Variants in RNF150 observed in about 807,000 individuals in gnomAD.
The protein encoded by RNF150 is ring finger protein 150.
Under a neutral mutation model 39.3 loss-of-function variants are expected in RNF150, and 24 were observed. The observed-to-expected ratio is 0.61, with a 90% CI of 0.44 to 0.86. The LOEUF is 0.86. RNF150 is among the 40% of genes least tolerant of loss of function. RNF150 has a pLI of 0.00. For synonymous variants in RNF150, 255 were observed against 227.3 expected (o/e 1.12, Z -1.10); for missense variants, 502 against 587.8 (o/e 0.85, Z 1.51).
intron 6 of RNF150, among the ~76,000 whole-genome samples, chr4:140,894,433 C>T (rs565020491): frequency 8.5e-5 from 13 of 152,226 alleles, no homozygotes; most frequent in Non-Finnish European, 1.2e-4. Context: ...ATGTGGCTCA[C>T]GTAGTTTCTG....
chr4:140,954,806 G>T (rs1732680113), intron 2 of RNF150, among the ~76,000 whole-genome samples: 1 of 152,058 alleles, frequency 6.6e-6, no homozygotes, highest in African/African-American at 2.4e-5. Context: ...CTCTTCCTCT[G>T]TTCTGTGTTA....
At chr4:140,983,739 CTTTT>C (rs35565844) in intron 1 of RNF150, among the ~76,000 whole-genome samples, 4 of 129,674 alleles carry the variant, frequency 3.1e-5, no homozygotes, top group African/African-American at 1.1e-4. Context: ...GTATAACTGC[CTTTT>C]TTTTTTTTTT....
chr4:140,980,080 T>C (rs1000100300), intron 1 of RNF150, among the ~76,000 whole-genome samples: 1 of 152,120 alleles, frequency 6.6e-6, no homozygotes, highest in Non-Finnish European at 1.5e-5. Context: ...TCTCGCTTTG[T>C]CACCCAGGCT....
At chr4:141,015,524 G>C (rs1368524649) in intron 1 of RNF150, among the ~76,000 whole-genome samples, 2 of 152,018 alleles carry the variant, frequency 1.3e-5, no homozygotes, top group Non-Finnish European at 2.9e-5. Flanking sequence ...TTGTAAATGG[G>C]ATTATTTTCT....
chr4:140,883,656 G>A (rs1729456067), intron 6 of RNF150, among the ~76,000 whole-genome samples: 1 of 152,100 alleles, frequency 6.6e-6, no homozygotes, highest in Non-Finnish European at 1.5e-5. Flanking sequence ...ATAATCATAT[G>A]TAAGCTCCCT....
chr4:141,018,296 AC>A (rs890607853), intron 1 of RNF150, among the ~76,000 whole-genome samples: 1 of 151,874 alleles, frequency 6.6e-6, no homozygotes, highest in Non-Finnish European at 1.5e-5. Context: ...CTTTGCATGA[AC>A]CCTCACCACA....
At chr4:140,933,446 C>A (rs1323721413) in intron 4 of RNF150, among the ~76,000 whole-genome samples, 12 of 152,118 alleles carry the variant, frequency 7.9e-5, no homozygotes, top group Admixed American at 7.9e-4. Context: ...ATGCTCACTG[C>A]AGCATTCTGG....
At chr4:141,034,906 T>C (rs998832296) in intron 1 of RNF150, among the ~76,000 whole-genome samples, 3 of 152,224 alleles carry the variant, frequency 2.0e-5, no homozygotes, top group Non-Finnish European at 2.9e-5. Flanking sequence ...AAAAGTTTTA[T>C]GTATTTTGAG....
At chr4:140,946,280 A>G (rs546771779) in intron 4 of RNF150, among the ~76,000 whole-genome samples, 28 of 152,172 alleles carry the variant, frequency 1.8e-4, no homozygotes, top group Non-Finnish European at 3.1e-4. Flanking sequence ...TTATGCATCA[A>G]TTTTAGTATC....
intron 6 of RNF150, among the ~76,000 whole-genome samples, chr4:140,882,519 A>G (rs1729415364): frequency 6.6e-6 from 1 of 152,124 alleles, no homozygotes. Flanking sequence ...ATTTTTGAAA[A>G]TGGGGTATTG....
rs545557872 is a variant in RNF150, at chr4:141,144,231, A to C, written c.-6+68563T>G. On this transcript the variant is annotated intron_variant, in intron 1 of 7. Coordinates refer to the RNF150 transcript ENST00000420921. Reference sequence around the variant, plus strand: ...TATGGATTGGATGTGAATTCCAACCACTATTTGATTAAATAAGACTTTGTG... The same window carrying C: ...TATGGATTGGATGTGAATTCCAACCCCTATTTGATTAAATAAGACTTTGTG... 2.6e-5 allele frequency among the ~76,000 whole-genome samples: 4 copies of C among 152,314 alleles called. No individual in the cohort carries two copies. The South Asian group carries it at 8.3e-4, about 32-fold the overall frequency.
chr4:141,193,476 T>A (rs574159397), intron 1 of RNF150, among the ~76,000 whole-genome samples: 1 of 152,352 alleles, frequency 6.6e-6, no homozygotes, highest in Non-Finnish European at 1.5e-5. Flanking sequence ...TTTCTTCACA[T>A]CTTTAACAGT....
At chr4:141,178,780 T>A (rs1489391333) in intron 1 of RNF150, among the ~76,000 whole-genome samples, 2 of 145,370 alleles carry the variant, frequency 1.4e-5, no homozygotes, top group Admixed American at 6.7e-5. Flanking sequence ...ATATTGTTCA[T>A]GTTGAATGAT....
intron 1 of RNF150, among the ~76,000 whole-genome samples, chr4:141,123,470 C>A (rs1271079321): frequency 1.3e-5 from 2 of 152,236 alleles, no homozygotes; most frequent in Non-Finnish European, 2.9e-5. Context: ...AATTTCTATA[C>A]ATCTCCGGAA....
intron 1 of RNF150, among the ~76,000 whole-genome samples, chr4:141,117,142 T>A (rs1286677959): frequency 6.6e-6 from 1 of 152,220 alleles, no homozygotes; most frequent in Non-Finnish European, 1.5e-5. Flanking sequence ...ACTTAAAGTA[T>A]AATAAAAAAA....
rs1733750676 is a variant in RNF150, at chr4:140,978,619, A to G, written c.485-10746T>C. Among the ~76,000 whole-genome samples, 3 of 152,242 alleles carry G rather than the reference A, an allele frequency of 2.0e-5. No individual in the cohort carries two copies. The South Asian group carries it at 6.2e-4, about 32-fold the overall frequency. On this transcript the variant is annotated intron_variant, in intron 1 of 6. Transcript: ENST00000515673. Reference sequence around the variant, plus strand: ...TACATTATTGAGTGATGAATACAGAATTATTTATTGAAGGTTGACTTATTA... The same window carrying G: ...TACATTATTGAGTGATGAATACAGAGTTATTTATTGAAGGTTGACTTATTA...
At chr4:140,916,642 C>A (rs1730843290) in intron 5 of RNF150, among the ~76,000 whole-genome samples, 1 of 152,188 alleles carries the variant, frequency 6.6e-6, no homozygotes, top group Non-Finnish European at 1.5e-5. Context: ...AGGAGAACTT[C>A]CCCAGTCTAG....
At chr4:141,143,063 T>A (rs970392683) in intron 1 of RNF150, among the ~76,000 whole-genome samples, 1 of 151,976 alleles carries the variant, frequency 6.6e-6, no homozygotes, top group African/African-American at 2.4e-5. Flanking sequence ...AGATACGGGG[T>A]TTCACCGTGT....
chr4:141,037,098 T>C (rs1466846487), intron 1 of RNF150, among the ~76,000 whole-genome samples: 3 of 152,208 alleles, frequency 2.0e-5, no homozygotes, highest in Non-Finnish European at 2.9e-5. Flanking sequence ...AAAATACACA[T>C]GATCGTAGAT....
Sources: gnomAD v4.1 joint callset for allele counts (sites outside exome capture counted in the v4.1 genomes callset) on GRCh38, gnomAD v4.1.1 for gene constraint, MANE v1.5 for transcripts, NCBI Gene and HGNC (gene_info 2026-07-23, HGNC 2026-07-21) for gene names.